The following ITPR2 variants were observed in gnomAD, a reference collection of about 807,000 sequenced individuals.
ITPR2 encodes the protein inositol 1,4,5-trisphosphate receptor type 2, also known as inositol 1,4,5-trisphosphate-gated calcium channel ITPR2.
ITPR2 carries 207 observed loss-of-function variants against 317.1 expected under a neutral mutation model. That is an observed-to-expected ratio of 0.65 (90% confidence interval 0.58 to 0.73). ITPR2 has a LOEUF of 0.73. Ranked by LOEUF, ITPR2 falls within the 30% of genes least tolerant of loss-of-function variation. The probability of loss-of-function intolerance (pLI) is 0.00; values close to 1 mark genes in which losing one functional copy is unlikely to be tolerated. For synonymous variants in ITPR2, 1,156 were observed against 1,149.1 expected (o/e 1.01, Z -0.12); for missense variants, 2,613 against 3,284.0 (o/e 0.80, Z 4.99).
At chr12:26,782,234 G>A (rs1402769473) in intron 2 of ITPR2, among the ~76,000 whole-genome samples, 2 of 151,428 alleles carry the variant, frequency 1.3e-5, no homozygotes, top group African/African-American at 4.9e-5. Flanking sequence ...AAAATGAGAG[G>A]AGTTCTCATT....
chr12:26,752,413 G>A (rs1024018190), intron 2 of ITPR2, among the ~76,000 whole-genome samples: 1 of 152,184 alleles, frequency 6.6e-6, no homozygotes, highest in African/African-American at 2.4e-5. Flanking sequence ...AAAACAAGTT[G>A]CAGTAAAGAA....
chr12:26,668,241 T>G (rs1453199674), intron 13 of ITPR2, among the ~76,000 whole-genome samples: 2 of 152,100 alleles, frequency 1.3e-5, no homozygotes, highest in South Asian at 4.1e-4. Context: ...CAAAAACACA[T>G]GATAGGGAAA....
At chr12:26,807,063 C>T (rs1592148392) in intron 1 of ITPR2, among the ~76,000 whole-genome samples, 1 of 152,048 alleles carries the variant, frequency 6.6e-6, no homozygotes, top group Admixed American at 6.6e-5. Context: ...GTGGTGCACA[C>T]CTGTAATCTT....
intron 15 of ITPR2, 86 bp from the exon 16 acceptor site, chr12:26,659,371 T>C: frequency 6.9e-6 from 8 of 1,163,076 alleles, no homozygotes; most frequent in Non-Finnish European, 9.9e-6. Context: ...TTGATTAATT[T>C]ATTCACAACA....
intron 21 of ITPR2, among the ~76,000 whole-genome samples, chr12:26,639,307 G>A (rs1016715119): frequency 5.3e-5 from 8 of 152,096 alleles, no homozygotes; most frequent in African/African-American, 1.2e-4. Context: ...AATAATTAGA[G>A]CTATGAAAAA....
chr12:26,662,731 A>G (rs1947530564), intron 15 of ITPR2, among the ~76,000 whole-genome samples: 1 of 152,120 alleles, frequency 6.6e-6, no homozygotes, highest in Non-Finnish European at 1.5e-5. Flanking sequence ...GGAGTGTACT[A>G]GTGTGATCAT....
intron 10 of ITPR2, among the ~76,000 whole-genome samples, chr12:26,688,842 G>T (rs1032084648): frequency 6.6e-6 from 1 of 152,158 alleles, no homozygotes; most frequent in African/African-American, 2.4e-5. Context: ...CATGAAGGAT[G>T]AGGAAGCCTA....
chr12:26,635,035 T>C (rs920646780), intron 21 of ITPR2, among the ~76,000 whole-genome samples: 1 of 151,974 alleles, frequency 6.6e-6, no homozygotes, highest in Non-Finnish European at 1.5e-5. Context: ...GTATAGCAAA[T>C]GCATACTGAG....
At chr12:26,761,295 G>A (rs1264713142) in intron 2 of ITPR2, among the ~76,000 whole-genome samples, 1 of 152,208 alleles carries the variant, frequency 6.6e-6, no homozygotes, top group East Asian at 1.9e-4. Context: ...ATTGGTGAAG[G>A]ACTTTCCTTG....
At chr12:26,785,825 AG>A (rs1258592133) in intron 2 of ITPR2, among the ~76,000 whole-genome samples, 3 of 40,060 alleles carry the variant, frequency 7.5e-5, no homozygotes, top group Admixed American at 2.7e-4. Flanking sequence ...TCCGGGAGGG[AG>A]GTGGGGGGGT....
chr12:26,440,249 A>C (rs944974679), intron 46 of ITPR2, among the ~76,000 whole-genome samples: 23 of 152,112 alleles, frequency 1.5e-4, no homozygotes, highest in African/African-American at 5.6e-4. Flanking sequence ...AACCAAATAC[A>C]CGAAAACAAA....
chr12:26,726,858 A>T (rs1393323736), intron 2 of ITPR2, among the ~76,000 whole-genome samples: 1 of 152,168 alleles, frequency 6.6e-6, no homozygotes, highest in African/African-American at 2.4e-5. Flanking sequence ...TAAAATTTGT[A>T]AGGAATGTAG....
intron 46 of ITPR2, among the ~76,000 whole-genome samples, chr12:26,441,443 G>C: frequency 6.6e-6 from 1 of 152,148 alleles, no homozygotes; most frequent in Non-Finnish European, 1.5e-5. Flanking sequence ...CTCAAGTAAA[G>C]GAGAAGTGAC....
rs934749470 is a variant in ITPR2, at chr12:26,596,610, G to A, written c.4254+273C>T. Among the ~76,000 whole-genome samples, 67 of 141,838 alleles carry A rather than the reference G, an allele frequency of 4.7e-4. 1 individual carries two copies. Among genetic ancestry groups the A allele is most frequent in the African/African-American group, 1.8e-3 (66 of 37,262 alleles). 93.1% of individuals were successfully genotyped at this position (141,838 alleles called of 152,430 possible). ...TGCAGTGAGTCGAAATCTTGCCATCGCACTCCAGCCTGGGCAACAGAGCAA... is the reference window on the plus strand; with the variant it reads ...TGCAGTGAGTCGAAATCTTGCCATCACACTCCAGCCTGGGCAACAGAGCAA... On this transcript the variant is annotated intron_variant, in intron 31 of 56. Transcript: ENST00000381340.
At chr12:26,383,313 A>G (rs1487885129) in intron 55 of ITPR2, among the ~76,000 whole-genome samples, 1 of 152,160 alleles carries the variant, frequency 6.6e-6, no homozygotes, top group East Asian at 1.9e-4. Context: ...ACCCAGCCTT[A>G]GGTATTCCTT....
At chr12:26,428,654 A>C (rs182056255) in intron 48 of ITPR2, among the ~76,000 whole-genome samples, 56 of 152,328 alleles carry the variant, frequency 3.7e-4, no homozygotes, top group Admixed American at 2.2e-3. Flanking sequence ...TCTACTGCTA[A>C]ATAAAATTTT....
At chr12:26,659,326 C>T (rs1375503870) in intron 15 of ITPR2, 41 bp from the exon 16 acceptor site, 4 of 1,542,924 alleles carry the variant, frequency 2.6e-6, no homozygotes, top group Admixed American at 1.7e-5. Flanking sequence ...TGCCAAACAG[C>T]TTACAAATAA....
chr12:26,611,560 T>C (rs1487742255), intron 26 of ITPR2, among the ~76,000 whole-genome samples: 1 of 151,876 alleles, frequency 6.6e-6, no homozygotes, highest in African/African-American at 2.4e-5. Context: ...GAGACCCATC[T>C]CTAAAAAAAA....
intron 5 of ITPR2, among the ~76,000 whole-genome samples, chr12:26,719,765 C>G (rs1413442906): frequency 2.0e-5 from 3 of 152,160 alleles, no homozygotes; most frequent in Admixed American, 6.6e-5. Context: ...CTCCCCACCC[C>G]ACAACAGTCC....
Sources: allele counts gnomAD v4.1 joint callset (sites outside exome capture counted in the v4.1 genomes callset), GRCh38; gene constraint gnomAD v4.1.1; transcripts MANE v1.5; gene names NCBI Gene and HGNC (gene_info 2026-07-23, HGNC 2026-07-21).